EPSTI1: variants seen among roughly 807,000 people sequenced by gnomAD.
The protein encoded by EPSTI1 is epithelial-stromal interaction protein 1.
In EPSTI1, 66 loss-of-function variants were observed where a neutral mutation model predicts 49.9. The observed-to-expected ratio is 1.32, with a 90% CI of 1.08 to 1.62. The LOEUF (loss-of-function observed/expected upper bound fraction) is 1.62. Ranked by LOEUF, EPSTI1 falls within the 40% of genes most tolerant of loss-of-function variation. The pLI is 0.00. For synonymous variants in EPSTI1, 137 were observed against 130.7 expected (o/e 1.05, Z -0.33); for missense variants, 394 against 365.5 (o/e 1.08, Z -0.64).
At chr13:42,940,936 AT>A (rs374828213) in intron 6 of EPSTI1, among the ~76,000 whole-genome samples, 12 of 152,096 alleles carry the variant, frequency 7.9e-5, no homozygotes, top group African/African-American at 2.9e-4. Context: ...TTATTTTCTT[AT>A]TATCCTATAA....
At chr13:42,897,425 G>A (rs2153410188) in intron 9 of EPSTI1, among the ~76,000 whole-genome samples, 1 of 152,330 alleles carries the variant, frequency 6.6e-6, no homozygotes, top group Middle Eastern at 3.4e-3. Context: ...CACATGGTGA[G>A]GCACCCCTTC....
At chr13:42,908,393 T>C (rs546565341) in intron 8 of EPSTI1, among the ~76,000 whole-genome samples, 7 of 147,268 alleles carry the variant, frequency 4.8e-5, no homozygotes, top group South Asian at 4.2e-4. Context: ...GGCTGAGTCA[T>C]GAGAATTGTT....
chr13:42,969,160 C>T lies in EPSTI1; in HGVS notation c.265G>A (p.Ala89Thr), dbSNP rs746781384. 3.7e-6 allele frequency: 6 copies of T among 1,613,918 alleles called. No individual in the cohort carries two copies. In the East Asian group the frequency reaches 1.1e-4, roughly 30 times the overall value. The change falls in exon 3 of 11, where the codon GCC becomes ACC. Residue 89 changes from alanine (A) to threonine (T), a missense_variant. Transcript: ENST00000313624. Reference sequence around the variant, plus strand: ...TGCTCCTTCCACTTCTCCAGGTTGGCCAGCTCCTGCTCCGCAACTAAGCCA... The same window carrying T: ...TGCTCCTTCCACTTCTCCAGGTTGGTCAGCTCCTGCTCCGCAACTAAGCCA... ...EIQRIAEQEL[A>T]NLEKWKEQNR...
At chr13:42,948,839 A>G (rs921223899) in intron 6 of EPSTI1, among the ~76,000 whole-genome samples, 10 of 152,344 alleles carry the variant, frequency 6.6e-5, no homozygotes, top group African/African-American at 2.2e-4. Context: ...TTTTAAAACC[A>G]TATGAATATA....
chr13:42,949,134 A>T (rs1031421660), intron 6 of EPSTI1, among the ~76,000 whole-genome samples: 8 of 152,144 alleles, frequency 5.3e-5, no homozygotes, highest in Non-Finnish European at 7.4e-5. Context: ...GGAAATAAAA[A>T]TTTTTTACCC....
At chr13:42,971,004 C>T (rs2039754192) in intron 1 of EPSTI1, among the ~76,000 whole-genome samples, 3 of 152,184 alleles carry the variant, frequency 2.0e-5, no homozygotes, top group Admixed American at 1.3e-4. Context: ...TTGGCATTCT[C>T]TTCTGTGTGA....
Position 42,948,422 on chromosome 13 carries a change from G to GTT in EPSTI1, c.563+5524_563+5525dup, listed in dbSNP as rs1337614110. ...CTCTGCAGGAACTCCAGAGTGGCTT[G>GTT]TTGTTTTTTTTTTTTTTTTGCTGTT... is the stretch of plus-strand genomic sequence containing the variant. On this transcript the variant is annotated intron_variant, in intron 6 of 10. Coordinates refer to ENST00000313624, the MANE Select transcript of EPSTI1 (RefSeq NM_033255.5). 4.3e-3 allele frequency among the ~76,000 whole-genome samples: 491 copies of GTT among 113,920 alleles called. 5 individuals carry two copies. Among genetic ancestry groups the GTT allele is most frequent in the African/African-American group, 0.013 (359 of 27,080 alleles). The allele number at this position is 113,920 out of a possible 152,430, so 74.7% of individuals were successfully genotyped here. A position where few individuals can be genotyped will look rare whatever the true frequency, so the allele number is the denominator to read the frequency against.
intron 10 of EPSTI1, among the ~76,000 whole-genome samples, chr13:42,891,661 T>G (rs533852334): frequency 2.0e-5 from 3 of 152,252 alleles, no homozygotes; most frequent in Non-Finnish European, 4.4e-5. Context: ...CTAATCATTT[T>G]AGCATGTGAA....
chr13:42,966,702 G>GC (rs550494756), intron 3 of EPSTI1, among the ~76,000 whole-genome samples: 3 of 84,674 alleles, frequency 3.5e-5, no homozygotes, highest in South Asian at 5.9e-4. Context: ...GGGGGGGTCA[G>GC]CCCCCCGCCC....
intron 6 of EPSTI1, among the ~76,000 whole-genome samples, chr13:42,930,940 T>C (rs1242679765): frequency 1.3e-5 from 2 of 152,210 alleles, no homozygotes; most frequent in Non-Finnish European, 2.9e-5. Context: ...CTAAAATGTG[T>C]TTCTCTGCTT....
chr13:42,939,272 T>G (rs1317648586), intron 6 of EPSTI1, among the ~76,000 whole-genome samples: 1 of 152,230 alleles, frequency 6.6e-6, no homozygotes, highest in African/African-American at 2.4e-5. Flanking sequence ...ATCATTCACA[T>G]GTTCACTGGA....
rs1394327521 is a variant in EPSTI1 at position 42,992,167 on chromosome 13, G to A, written c.-2C>T. The A allele has an allele frequency of 6.4e-7, 1 of 1,554,894 alleles. No homozygotes were observed. Among genetic ancestry groups the A allele is most frequent in the Non-Finnish European group, 8.7e-7 (1 of 1,152,908 alleles). On this transcript the variant is annotated 5_prime_UTR_variant, in exon 1 of 11. Coordinates refer to ENST00000313624, the MANE Select transcript of EPSTI1 (RefSeq NM_033255.5). Reference sequence around the variant, plus strand: ...CACCACTCTATTGCGGGTGTTCATGGTTCACAGCCCGCGGGTCCCGGGCCG... The same window carrying A: ...CACCACTCTATTGCGGGTGTTCATGATTCACAGCCCGCGGGTCCCGGGCCG...
intron 1 of EPSTI1, among the ~76,000 whole-genome samples, chr13:42,989,032 A>ATTTTTTTTTTT (rs74772535): frequency 4.2e-5 from 4 of 96,124 alleles, no homozygotes; most frequent in African/African-American, 4.7e-5. Context: ...GATAATTTAA[A>ATTTTTTTTTTT]TTTTTTTTTT....
At chr13:42,891,395 A>T (rs2037030914) in intron 10 of EPSTI1, among the ~76,000 whole-genome samples, 2 of 152,184 alleles carry the variant, frequency 1.3e-5, no homozygotes, top group South Asian at 4.1e-4. Context: ...AGATGTTGAT[A>T]GTGTTTGTAT....
At chr13:42,906,051 G>T (rs2037489584) in intron 8 of EPSTI1, among the ~76,000 whole-genome samples, 1 of 152,172 alleles carries the variant, frequency 6.6e-6, no homozygotes, top group Non-Finnish European at 1.5e-5. Flanking sequence ...GGTAAATGAG[G>T]ACAACACTGC....
At chr13:42,938,559 T>C (rs1399559046) in intron 6 of EPSTI1, among the ~76,000 whole-genome samples, 3 of 152,112 alleles carry the variant, frequency 2.0e-5, no homozygotes, top group Non-Finnish European at 2.9e-5. Flanking sequence ...TTCTCCTGTC[T>C]AGCTATGAAA....
At chr13:42,915,696 T>C (rs2037811225) in intron 8 of EPSTI1, among the ~76,000 whole-genome samples, 1 of 152,132 alleles carries the variant, frequency 6.6e-6, no homozygotes, top group South Asian at 2.1e-4. Flanking sequence ...AGCTATTAAT[T>C]TTACTGAAAG....
At chr13:42,929,763 C>G (rs1034211076) in intron 6 of EPSTI1, among the ~76,000 whole-genome samples, 5 of 152,104 alleles carry the variant, frequency 3.3e-5, no homozygotes, top group African/African-American at 1.2e-4. Context: ...ACAATATGAG[C>G]TTAGTGGTTG....
chr13:42,989,315 TAAGTA>T (rs932467844), intron 1 of EPSTI1, among the ~76,000 whole-genome samples: 1 of 152,080 alleles, frequency 6.6e-6, no homozygotes, highest in African/African-American at 2.4e-5. Flanking sequence ...TGTCTTATAT[TAAGTA>T]ATGAGGAAAC....
Sources: allele counts gnomAD v4.1 joint callset (sites outside exome capture counted in the v4.1 genomes callset), GRCh38; gene constraint gnomAD v4.1.1; transcripts MANE v1.5; gene names NCBI Gene and HGNC (gene_info 2026-07-23, HGNC 2026-07-21).